Variants in FXYD2 observed in about 807,000 individuals in gnomAD.
FXYD2 encodes sodium/potassium-transporting ATPase subunit gamma.
A neutral mutation model predicts 11.8 loss-of-function variants in FXYD2; 8 were observed. That is an observed-to-expected ratio of 0.68 (90% confidence interval 0.40 to 1.22). The LOEUF (loss-of-function observed/expected upper bound fraction) is 1.22, where lower values mean the gene tolerates loss of function less well. FXYD2 is among the 50% of genes most tolerant of loss of function. FXYD2 has a pLI of 0.01. For synonymous variants in FXYD2, 42 were observed against 33.3 expected, an observed-to-expected ratio of 1.26 and a Z score of -0.90; for missense variants, 92 against 91.8, an observed-to-expected ratio of 1.00 and a Z score of -0.01.
upstream of FXYD2, among the ~76,000 whole-genome samples, chr11:117,827,081 TAGAG>T (rs147008890): frequency 9.9e-5 from 9 of 91,180 alleles, no homozygotes; most frequent in African/African-American, 1.4e-4. Context: ...GATAGATAAA[TAGAG>T]AGATAGATAG....
chr11:117,826,000 G>A (rs979319724), upstream of FXYD2, among the ~76,000 whole-genome samples: 1 of 152,160 alleles, frequency 6.6e-6, no homozygotes. Context: ...ACCTCTCTGT[G>A]CCTCAGTCTC....
chr11:117,826,057 A>G (rs1350856954), upstream of FXYD2, among the ~76,000 whole-genome samples: 1 of 152,118 alleles, frequency 6.6e-6, no homozygotes, highest in African/African-American at 2.4e-5. Context: ...GGTGGTGGTG[A>G]GGGGAAGTGA....
chr11:117,821,949 C>T, intron 3 of FXYD2: 2 of 1,055,820 alleles, frequency 1.9e-6, no homozygotes, highest in Non-Finnish European at 2.3e-6. Flanking sequence ...CTTGAGGATA[C>T]ATAACTCTCT....
At chr11:117,826,778 G>GTCTGTCTGTCTATCTATCTA (rs1344802450), upstream of FXYD2, among the ~76,000 whole-genome samples, 61 of 125,874 alleles carry the variant, frequency 4.8e-4, 1 homozygote, top group Middle Eastern at 4.4e-3. Flanking sequence ...CTGTCTGTCT[G>GTCTGTCTGTCTATCTATCTA]TCTATCTATC....
chr11:117,826,934 A>T (rs2056052639), upstream of FXYD2, among the ~76,000 whole-genome samples: 1 of 151,606 alleles, frequency 6.6e-6, no homozygotes, highest in African/African-American at 2.4e-5. Context: ...GTGGCTGGGG[A>T]TGAGGTGGGG....
intron 3 of FXYD2, chr11:117,821,669 G>A: frequency 1.0e-6 from 1 of 961,528 alleles, no homozygotes. Context: ...AGACCTGCAG[G>A]ACTGTGGCCC....
upstream of FXYD2, among the ~76,000 whole-genome samples, chr11:117,825,370 C>T (rs918056524): frequency 6.6e-6 from 1 of 152,228 alleles, no homozygotes; most frequent in Non-Finnish European, 1.5e-5. Context: ...CCTTCCCTGC[C>T]GCCCTGGCAC....
In FXYD2 at chr11:117,823,527, G is replaced by A. The variant is rs543120700; in HGVS notation, c.26-810C>T. ...CTCAATGGCGGGAGGGAAGGAGCCCGTTAGAGGTAAGGTCCTGCCCCTGCC... is the reference window on the plus strand; with the variant it reads ...CTCAATGGCGGGAGGGAAGGAGCCCATTAGAGGTAAGGTCCTGCCCCTGCC... On this transcript the variant is annotated intron_variant, in intron 1 of 5. Coordinates refer to ENST00000292079, the MANE Select transcript of FXYD2 (RefSeq NM_001680.5). 2.3e-4 allele frequency among the ~76,000 whole-genome samples: 35 copies of A among 152,320 alleles called. No individual in the cohort carries two copies. In the East Asian group the frequency reaches 2.3e-3, roughly 10 times the overall value.
upstream of FXYD2, among the ~76,000 whole-genome samples, chr11:117,827,095 GATAGAT>G (rs777852078): frequency 0.024 from 2,539 of 103,958 alleles, 32 homozygotes; most frequent in Non-Finnish European, 0.034. Flanking sequence ...GAGATAGATA[GATAGAT>G]AGATAGATAG....
intron 5 of FXYD2, 48 bp downstream of exon 5, chr11:117,820,618 A>C: frequency 6.2e-7 from 1 of 1,611,844 alleles, no homozygotes; most frequent in Non-Finnish European, 8.5e-7. Flanking sequence ...TGTTGCTCCC[A>C]AGCCTGCCCT....
chr11:117,826,095 G>A (rs2056030262), upstream of FXYD2, among the ~76,000 whole-genome samples: 1 of 152,186 alleles, frequency 6.6e-6, no homozygotes, highest in Non-Finnish European at 1.5e-5. Flanking sequence ...GCATATCCCA[G>A]GGCCTGGCAC....
chr11:117,823,312 C>T (rs2055956098), intron 1 of FXYD2, among the ~76,000 whole-genome samples: 1 of 152,190 alleles, frequency 6.6e-6, no homozygotes, highest in South Asian at 2.1e-4. Context: ...CTAACAAACC[C>T]TAACTCATCT....
chr11:117,824,605 G>A lies in FXYD2; in HGVS notation c.25+49C>T, dbSNP rs1263168451. The A allele has an allele frequency of 2.0e-6, 3 of 1,506,444 alleles. No homozygotes were observed. Among genetic ancestry groups the A allele is most frequent in the African/African-American group, 2.8e-5 (2 of 72,660 alleles). 93.3% of individuals were successfully genotyped at this position (1,506,444 alleles called of 1,614,324 possible). On this transcript the variant is annotated intron_variant, in intron 1 of 5. Coordinates refer to ENST00000292079, the MANE Select transcript of FXYD2 (RefSeq NM_001680.5). This position sits in a 1 kb window ranked among gnomAD's most constrained non-coding sequence, Gnocchi z 4.0. ...TGACCCCACAAAGGCAGGCCAATCA[G>A]AGCCACCCAGCATTGCACACGCCCG... is the stretch of plus-strand genomic sequence containing the variant.
At chr11:117,826,774 G>GTCTA (rs763303489), upstream of FXYD2, among the ~76,000 whole-genome samples, 707 of 93,258 alleles carry the variant, frequency 7.6e-3, 5 homozygotes, top group Non-Finnish European at 0.013. Flanking sequence ...CTGTCTGTCT[G>GTCTA]TCTGTCTATC....
At chr11:117,825,519 C>A (rs1194353192), upstream of FXYD2, among the ~76,000 whole-genome samples, 2 of 151,670 alleles carry the variant, frequency 1.3e-5, no homozygotes, top group Non-Finnish European at 2.9e-5. Context: ...CAAGCACTTT[C>A]CTCACTGTTT....
chr11:117,826,135 A>G (rs537149430), upstream of FXYD2, among the ~76,000 whole-genome samples: 4 of 152,240 alleles, frequency 2.6e-5, no homozygotes, highest in South Asian at 8.3e-4. Flanking sequence ...TTACTGTTAT[A>G]TGTGTGTTGA....
At position 117,822,184 on chromosome 11, in the gene FXYD2, C is replaced by T. The variant is rs1730107902; in HGVS notation, c.139+222G>A. ...GTTTGCTCTCACTTCTGCGGCTCCT[C>T]CCGGGCCCACTGGAGGGTGCACTTG... On this transcript the variant is annotated intron_variant, in intron 3 of 5. Transcript: ENST00000292079. The surrounding 1 kb of genome is among the most constrained non-coding windows in gnomAD (Gnocchi z 4.7). 1 of 1,441,546 alleles carries T rather than the reference C, an allele frequency of 6.9e-7. No homozygotes were observed. The highest frequency in any genetic ancestry group is 9.1e-7 in the Non-Finnish European group (1 of 1,097,032). The allele number at this position is 1,441,546 out of a possible 1,614,324, so 89.3% of individuals were successfully genotyped here. A position where few individuals can be genotyped will look rare whatever the true frequency, so the allele number is the denominator to read the frequency against.
At position 117,824,335 on chromosome 11, in the gene FXYD2, C is replaced by T. The variant is rs1184245715; in HGVS notation, c.25+319G>A. The T allele has an allele frequency of 2.1e-6, 1 of 486,850 alleles. No individual in the cohort carries two copies. Among genetic ancestry groups the T allele is most frequent in the Non-Finnish European group, 3.7e-6 (1 of 267,770 alleles). 30.2% of individuals were successfully genotyped at this position (486,850 alleles called of 1,614,324 possible). A position where few individuals can be genotyped will look rare whatever the true frequency, so the allele number is the denominator to read the frequency against. ...CAGATGGACGCCGTCTGCCTCCCGC[C>T]CAAGTTCAGACGGTCTAGCAAGATG... is the stretch of plus-strand genomic sequence containing the variant. On this transcript the variant is annotated intron_variant, in intron 1 of 5. Transcript: ENST00000292079. The surrounding 1 kb of genome is among the most constrained non-coding windows in gnomAD (Gnocchi z 4.0).
At chr11:117,826,818 ATCTATCTG>A (rs1220106452), upstream of FXYD2, among the ~76,000 whole-genome samples, 75 of 132,276 alleles carry the variant, frequency 5.7e-4, no homozygotes, top group Non-Finnish European at 6.8e-4. Flanking sequence ...CTATCTATCT[ATCTATCTG>A]TCTATCTATC....
Sources: gnomAD v4.1 joint callset for allele counts (sites outside exome capture counted in the v4.1 genomes callset) on GRCh38, gnomAD v4.1.1 for gene constraint, Gnocchi (gnomAD v3.1) non-coding constraint, MANE v1.5 for transcripts, NCBI Gene and HGNC (gene_info 2026-07-23, HGNC 2026-07-21) for gene names.